Variants in GYS2 observed in about 807,000 individuals in gnomAD.
GYS2 encodes glycogen synthase 2.
A neutral mutation model predicts 85.6 loss-of-function variants in GYS2; 80 were observed. That is an observed-to-expected ratio of 0.93 (90% CI 0.78 to 1.13). The LOEUF (loss-of-function observed/expected upper bound fraction) is 1.13, where lower values mean the gene tolerates loss of function less well. GYS2 is among the 50% of genes most tolerant of loss of function. GYS2 has a pLI of 0.00. For missense variants in GYS2, 881 were observed against 854.9 expected (o/e 1.03, Z -0.38); for synonymous variants, 328 against 300.7 (o/e 1.09, Z -0.94).
At chr12:21,546,035 G>A (rs1448039717) in intron 12 of GYS2, among the ~76,000 whole-genome samples, 1 of 150,354 alleles carries the variant, frequency 6.7e-6, no homozygotes, top group African/African-American at 2.4e-5. Context: ...GGCAGATAGA[G>A]ATAGCTAAAT....
At chr12:21,584,230 C>T (rs2097436213) in intron 1 of GYS2, among the ~76,000 whole-genome samples, 1 of 152,178 alleles carries the variant, frequency 6.6e-6, no homozygotes, top group African/African-American at 2.4e-5. Context: ...TATTCATGGG[C>T]TGTAGCCAAA....
At chr12:21,549,282 A>G (rs952114128) in intron 11 of GYS2, among the ~76,000 whole-genome samples, 1 of 152,204 alleles carries the variant, frequency 6.6e-6, no homozygotes, top group African/African-American at 2.4e-5. Flanking sequence ...AATAAGTGAC[A>G]TCTGATATAA....
At chr12:21,594,135 C>T (rs1944669962) in intron 1 of GYS2, among the ~76,000 whole-genome samples, 1 of 152,116 alleles carries the variant, frequency 6.6e-6, no homozygotes, top group African/African-American at 2.4e-5. Flanking sequence ...AAACCCACAG[C>T]TAACATCATA....
intron 4 of GYS2, among the ~76,000 whole-genome samples, chr12:21,573,312 T>G (rs746202037): frequency 4.7e-4 from 71 of 152,160 alleles, no homozygotes; most frequent in Non-Finnish European, 5.4e-4. Flanking sequence ...ACTTTCTAAC[T>G]TCCTAATTTT....
chr12:21,538,237 C>G (rs1310760839), intron 15 of GYS2, among the ~76,000 whole-genome samples: 1 of 152,076 alleles, frequency 6.6e-6, no homozygotes, highest in African/African-American at 2.4e-5. Flanking sequence ...TTAAGAAAAC[C>G]TTATCACCTT....
intron 5 of GYS2, among the ~76,000 whole-genome samples, chr12:21,565,739 C>A (rs1052702062): frequency 2.0e-5 from 3 of 151,686 alleles, no homozygotes; most frequent in Non-Finnish European, 2.9e-5. Context: ...CTTTTCACTT[C>A]CGTTCCATAA....
chr12:21,587,558 G>A (rs987552403), intron 1 of GYS2, among the ~76,000 whole-genome samples: 1 of 152,008 alleles, frequency 6.6e-6, no homozygotes, highest in Middle Eastern at 3.2e-3. Flanking sequence ...GGACATGTTT[G>A]TTTCTTCTTC....
chr12:21,582,970 T>C (rs1428872037), intron 1 of GYS2, among the ~76,000 whole-genome samples: 1 of 152,030 alleles, frequency 6.6e-6, no homozygotes, highest in Admixed American at 6.6e-5. Flanking sequence ...AGGAACATAG[T>C]GAAGTTGGTT....
intron 1 of GYS2, among the ~76,000 whole-genome samples, chr12:21,587,097 T>C (rs932985192): frequency 2.7e-4 from 41 of 152,178 alleles, no homozygotes; most frequent in Admixed American, 7.9e-4. Context: ...AAACACAGTA[T>C]GTTCTCATTT....
At chr12:21,567,380 G>C (rs951116962) in intron 5 of GYS2, among the ~76,000 whole-genome samples, 1 of 152,040 alleles carries the variant, frequency 6.6e-6, no homozygotes, top group African/African-American at 2.4e-5. Context: ...AGATCCAAGA[G>C]AGAAATGAGC....
chr12:21,561,082 G>C (rs11046119), intron 7 of GYS2, among the ~76,000 whole-genome samples: 1 of 152,088 alleles, frequency 6.6e-6, no homozygotes, highest in Non-Finnish European at 1.5e-5. Context: ...AGCACATGAC[G>C]AGCACTTTTG....
Position 21,585,560 on chromosome 12 carries a change from G to GAAA in GYS2, c.122-5040_122-5038dup, listed in dbSNP as rs36121025. The stretch of plus-strand genomic sequence containing the variant: ...ATAAAGGTTTGGGTCACTCCACCAG[G>GAAA]AAAAAAAAAAAAAAAAAAGACAAGA... On this transcript the variant is annotated intron_variant, in intron 1 of 15. Transcript: ENST00000261195. 6.7e-4 allele frequency among the ~76,000 whole-genome samples: 78 copies of GAAA among 115,778 alleles called. 1 individual carries two copies. Among genetic ancestry groups the GAAA allele is most frequent in the Admixed American group, 1.4e-3 (15 of 10,948 alleles). The allele number at this position is 115,778 out of a possible 152,430, so 76.0% of individuals were successfully genotyped here. A position where few individuals can be genotyped will look rare whatever the true frequency, so the allele number is the denominator to read the frequency against.
chr12:21,580,578 T>A, intron 1 of GYS2, 55 bp from the exon 2 acceptor site: 1 of 1,283,514 alleles, frequency 7.8e-7, no homozygotes, highest in Non-Finnish European at 1.1e-6. Flanking sequence ...TTGTTTAAAG[T>A]AATAAGGGAT....
chr12:21,565,218 A>G lies in GYS2; in HGVS notation c.824-1873T>C, dbSNP rs1334333329. ...CAGTCATATGCTGGTAAAATTTAAC[A>G]AAGAGTACTCCAGGAAAAAGAGAGA... On this transcript the variant is annotated intron_variant, in intron 5 of 15. Coordinates refer to ENST00000261195, the MANE Select transcript of GYS2 (RefSeq NM_021957.4). Among the ~76,000 whole-genome samples, 5 of 151,676 alleles carry G rather than the reference A, an allele frequency of 3.3e-5. 1 individual carries two copies. The South Asian group carries it at 1.0e-3, about 32-fold the overall frequency.
At chr12:21,599,902 CTGAG>C (rs1156441778) in intron 1 of GYS2, among the ~76,000 whole-genome samples, 1 of 152,046 alleles carries the variant, frequency 6.6e-6, no homozygotes, top group African/African-American at 2.4e-5. Context: ...AGGCACAGTT[CTGAG>C]TGATTTACAA....
chr12:21,588,542 A>G (rs1324086281), intron 1 of GYS2, among the ~76,000 whole-genome samples: 3 of 152,212 alleles, frequency 2.0e-5, no homozygotes, highest in African/African-American at 4.8e-5. Context: ...ACACAAGCTA[A>G]TTGTCCTTAA....
intron 4 of GYS2, among the ~76,000 whole-genome samples, chr12:21,573,359 A>G (rs1360912885): frequency 2.6e-5 from 4 of 152,200 alleles, no homozygotes; most frequent in Non-Finnish European, 4.4e-5. Context: ...TACTAAATAG[A>G]TTTGATTGTT....
At chr12:21,551,471 A>C (rs189003394) in intron 11 of GYS2, among the ~76,000 whole-genome samples, 1 of 152,072 alleles carries the variant, frequency 6.6e-6, no homozygotes, top group African/African-American at 2.4e-5. Context: ...ATCAATTTTA[A>C]ATTGATTTTA....
At chr12:21,571,701 G>T (rs140659972) in intron 4 of GYS2, among the ~76,000 whole-genome samples, 2,483 of 152,224 alleles carry the variant, frequency 0.016, 27 homozygotes, top group Non-Finnish European at 0.024. Context: ...GGTGGCTCAC[G>T]CCTGTAATCC....
Sources: allele counts gnomAD v4.1 joint callset (sites outside exome capture counted in the v4.1 genomes callset), GRCh38; gene constraint gnomAD v4.1.1; transcripts MANE v1.5; gene names NCBI Gene and HGNC (gene_info 2026-07-23, HGNC 2026-07-21).